The following NKAIN3 variants were observed in gnomAD, a reference collection of about 807,000 sequenced individuals.
The protein encoded by NKAIN3 is sodium/potassium-transporting ATPase subunit beta-1-interacting protein 3.
In NKAIN3, 25 loss-of-function variants were observed where a neutral mutation model predicts 30.2. That is an observed-to-expected ratio of 0.83 (90% CI 0.60 to 1.16). The LOEUF is 1.16. Ranked by LOEUF, NKAIN3 falls within the 50% of genes most tolerant of loss-of-function variation. NKAIN3 has a pLI of 0.00. For synonymous variants in NKAIN3, 91 were observed against 89.6 expected (o/e 1.02, Z -0.09); for missense variants, 225 against 254.1 (o/e 0.89, Z 0.78).
At chr8:62,929,375 T>C (rs1488888125) in intron 5 of NKAIN3, among the ~76,000 whole-genome samples, 1 of 152,230 alleles carries the variant, frequency 6.6e-6, no homozygotes, top group Admixed American at 6.5e-5. Flanking sequence ...TGGGCTTAAG[T>C]TTTATTTTCT....
At chr8:62,301,794 A>T (rs938662751) in intron 1 of NKAIN3, among the ~76,000 whole-genome samples, 5 of 152,198 alleles carry the variant, frequency 3.3e-5, no homozygotes, top group African/African-American at 9.6e-5. Context: ...TTCCAATTTG[A>T]ATCAGCCTTT....
chr8:62,682,671 T>G (rs1198974218), intron 3 of NKAIN3, among the ~76,000 whole-genome samples: 1 of 152,132 alleles, frequency 6.6e-6, no homozygotes, highest in East Asian at 1.9e-4. Flanking sequence ...ACTGGCCTTT[T>G]AAGTTGCATG....
intron 1 of NKAIN3, among the ~76,000 whole-genome samples, chr8:62,536,709 T>C (rs112470148): frequency 6.6e-6 from 1 of 152,272 alleles, no homozygotes; most frequent in African/African-American, 2.4e-5. Flanking sequence ...CTGAATTAAA[T>C]TTTCTTTGAC....
At chr8:62,914,634 C>T (rs1403315210) in intron 4 of NKAIN3, among the ~76,000 whole-genome samples, 1 of 152,132 alleles carries the variant, frequency 6.6e-6, no homozygotes, top group Admixed American at 6.5e-5. Flanking sequence ...ATGGCATTTG[C>T]TGACAAGAAT....
chr8:62,471,765 A>G (rs552614175), intron 1 of NKAIN3, among the ~76,000 whole-genome samples: 68 of 152,218 alleles, frequency 4.5e-4, no homozygotes, highest in African/African-American at 1.6e-3. Flanking sequence ...GCAACATAGG[A>G]AGACCTCACC....
At chr8:62,775,632 AT>A (rs1046399348) in intron 4 of NKAIN3, among the ~76,000 whole-genome samples, 1 of 151,804 alleles carries the variant, frequency 6.6e-6, no homozygotes, top group African/African-American at 2.4e-5. Flanking sequence ...AAGAATTTAA[AT>A]TTTTTTTAAT....
chr8:62,939,911 A>G (rs1236949598), intron 5 of NKAIN3, among the ~76,000 whole-genome samples: 1 of 152,138 alleles, frequency 6.6e-6, no homozygotes, highest in Non-Finnish European at 1.5e-5. Flanking sequence ...TTACATCTCA[A>G]TATTAATGTT....
At chr8:62,371,644 C>T (rs914801139) in intron 1 of NKAIN3, among the ~76,000 whole-genome samples, 1 of 151,872 alleles carries the variant, frequency 6.6e-6, no homozygotes, top group Non-Finnish European at 1.5e-5. Flanking sequence ...GTAATAATTT[C>T]ATTTAATAAA....
Position 62,983,714 on chromosome 8 carries a change from C to T in NKAIN3, c.*18307C>T, listed in dbSNP as rs1054489250. On this transcript the variant is annotated 3_prime_UTR_variant, in exon 7 of 7. Coordinates refer to ENST00000623646, the MANE Select transcript of NKAIN3 (RefSeq NM_001304533.3). ...AGGAGCAAATGGACAAAATAAGCCC[C>T]CTCTTGCTCAGGACCTGACTAACAT... 1 of 152,156 alleles carries T rather than the reference C, an allele frequency of 6.6e-6. No homozygotes were observed. The highest frequency in any genetic ancestry group is 1.5e-5 in the Non-Finnish European group (1 of 68,036). The allele number at this position is 152,156 out of a possible 1,614,324, so 9.4% of individuals were successfully genotyped here.
intron 1 of NKAIN3, among the ~76,000 whole-genome samples, chr8:62,270,027 C>CTTA (rs367580266): frequency 1.7e-3 from 255 of 151,666 alleles, no homozygotes; most frequent in South Asian, 0.014. Context: ...TGCGGAGGTC[C>CTTA]TTATTATTAT....
chr8:62,407,459 A>G (rs1289859436), intron 1 of NKAIN3, among the ~76,000 whole-genome samples: 2 of 126,624 alleles, frequency 1.6e-5, no homozygotes, highest in African/African-American at 3.0e-5. Context: ...GTGCAGTGGC[A>G]TGATGTCCGC....
chr8:62,345,616 C>A (rs28806895), intron 1 of NKAIN3, among the ~76,000 whole-genome samples: 2 of 139,784 alleles, frequency 1.4e-5, no homozygotes, highest in Non-Finnish European at 3.0e-5. Context: ...TATGTATATA[C>A]ACACATATAT....
intron 3 of NKAIN3, among the ~76,000 whole-genome samples, chr8:62,648,438 C>G (rs78798838): frequency 6.6e-6 from 1 of 152,254 alleles, no homozygotes; most frequent in African/African-American, 2.4e-5. Context: ...CCCTAAGAAG[C>G]AAGCTGGAAG....
intron 4 of NKAIN3, among the ~76,000 whole-genome samples, chr8:62,813,613 G>T (rs1486544478): frequency 1.3e-5 from 2 of 150,894 alleles, no homozygotes; most frequent in African/African-American, 4.9e-5. Flanking sequence ...CTATTACTTT[G>T]TTGGTAGTTT....
Position 62,679,328 on chromosome 8 carries a change from G to A in NKAIN3, c.274-67604G>A, listed in dbSNP as rs1586081142. Among the ~76,000 whole-genome samples, 3 of 152,096 alleles carry A rather than the reference G, an allele frequency of 2.0e-5. No homozygotes were observed. The East Asian group carries it at 5.8e-4, about 29-fold the overall frequency. On this transcript the variant is annotated intron_variant, in intron 3 of 6. Coordinates refer to ENST00000623646, the MANE Select transcript of NKAIN3 (RefSeq NM_001304533.3). ...GGGACACATCCAGAGTTTGTAGTGG[G>A]AGGTGAAAGGGTGCATCTAGCAGAC...
Position 62,983,062 on chromosome 8 carries a change from T to A in NKAIN3, c.*17655T>A, listed in dbSNP as rs199892781. 6.6e-6 allele frequency: 1 copy of A among 152,162 alleles called. No individual in the cohort carries two copies. Among genetic ancestry groups the A allele is most frequent in the Non-Finnish European group, 1.5e-5 (1 of 68,028 alleles). The allele number at this position is 152,162 out of a possible 1,614,324, so 9.4% of individuals were successfully genotyped here. On this transcript the variant is annotated 3_prime_UTR_variant, in exon 7 of 7. Coordinates refer to ENST00000623646, the MANE Select transcript of NKAIN3 (RefSeq NM_001304533.3). ...GAAGTTTCACTGCAGGTAGCTACCA[T>A]ACCAGCATTTGGTAAACTAGCTCCC...
intron 3 of NKAIN3, among the ~76,000 whole-genome samples, chr8:62,691,109 A>G (rs1230203521): frequency 1.3e-5 from 2 of 152,182 alleles, no homozygotes; most frequent in Admixed American, 6.5e-5. Flanking sequence ...AGTTTTTCAC[A>G]GTTTCAAGTA....
chr8:62,472,648 C>T (rs540527181), intron 1 of NKAIN3, among the ~76,000 whole-genome samples: 20 of 152,108 alleles, frequency 1.3e-4, no homozygotes, highest in Non-Finnish European at 2.8e-4. Flanking sequence ...TTGATGCTGC[C>T]ACTCCCCACA....
At chr8:62,824,212 C>T (rs1818945894) in intron 4 of NKAIN3, among the ~76,000 whole-genome samples, 1 of 152,060 alleles carries the variant, frequency 6.6e-6, no homozygotes, top group East Asian at 1.9e-4. Flanking sequence ...AGAGTAATTC[C>T]GTGAAAGTAT....
Sources: allele counts gnomAD v4.1 joint callset (sites outside exome capture counted in the v4.1 genomes callset), GRCh38; gene constraint gnomAD v4.1.1; transcripts MANE v1.5; gene names NCBI Gene and HGNC (gene_info 2026-07-23, HGNC 2026-07-21).